The following WASF1 variants were observed in gnomAD, a reference collection of about 807,000 sequenced individuals.
WASF1 encodes the protein actin-binding protein WASF1.
WASF1 carries 7 observed loss-of-function variants against 50.5 expected under a neutral mutation model. That is an observed-to-expected ratio of 0.14 (90% confidence interval 0.08 to 0.26). The LOEUF (loss-of-function observed/expected upper bound fraction) is 0.26. Among genes scored for constraint, WASF1 ranks in the 10% least tolerant of loss-of-function variants. WASF1 has a pLI of 1.00. For missense variants in WASF1, 470 were observed against 694.7 expected, an observed-to-expected ratio of 0.68 and a Z score of 3.64; for synonymous variants, 205 against 244.0, an observed-to-expected ratio of 0.84 and a Z score of 1.49.
At chr6:110,168,733 C>T (rs1261283888) in intron 2 of WASF1, among the ~76,000 whole-genome samples, 1 of 152,078 alleles carries the variant, frequency 6.6e-6, no homozygotes, top group Non-Finnish European at 1.5e-5. Context: ...CTACTAAGCA[C>T]ATCAAGTGTC....
rs1049302976 is a variant in WASF1 at position 110,130,541 on chromosome 6, C to T, written c.-28-2912G>A. On this transcript the variant is annotated intron_variant, in intron 3 of 10. Transcript: ENST00000392589. ...CACATTGTAACATTCATCCATACTG[C>T]TCTGTGCAGGTTGTTCATTTTCATT... Among the ~76,000 whole-genome samples the T allele has an allele frequency of 2.6e-5, 4 of 152,310 alleles. No homozygotes were observed. The East Asian group carries it at 7.7e-4, about 29-fold the overall frequency.
At chr6:110,161,691 G>A (rs139560869) in intron 2 of WASF1, among the ~76,000 whole-genome samples, 135 of 151,474 alleles carry the variant, frequency 8.9e-4, no homozygotes, top group African/African-American at 3.1e-3. Flanking sequence ...AAAAAACTGG[G>A]GAGAAATTAT....
intron 3 of WASF1, among the ~76,000 whole-genome samples, chr6:110,153,573 G>T (rs532817685): frequency 8.5e-5 from 13 of 152,116 alleles, no homozygotes; most frequent in African/African-American, 2.9e-4. Flanking sequence ...ATGTACAGTG[G>T]TATCTCATAA....
At chr6:110,102,568 T>C (rs1260412028) in intron 9 of WASF1, among the ~76,000 whole-genome samples, 1 of 152,152 alleles carries the variant, frequency 6.6e-6, no homozygotes, top group African/African-American at 2.4e-5. Flanking sequence ...CATAATGCAA[T>C]TTTGTGGCAA....
At chr6:110,166,302 C>T (rs537271585) in intron 2 of WASF1, among the ~76,000 whole-genome samples, 7 of 151,570 alleles carry the variant, frequency 4.6e-5, no homozygotes, top group African/African-American at 1.7e-4. Context: ...CAAAATATTT[C>T]TGAACTCTTT....
chr6:110,108,119 C>A (rs1583925628), intron 6 of WASF1, among the ~76,000 whole-genome samples: 1 of 82,122 alleles, frequency 1.2e-5, no homozygotes. Flanking sequence ...GCCTAGGTGA[C>A]AAAGTGAGAC....
At chr6:110,132,934 T>C (rs1583971667) in intron 3 of WASF1, among the ~76,000 whole-genome samples, 1 of 144,004 alleles carries the variant, frequency 6.9e-6, no homozygotes, top group Non-Finnish European at 1.5e-5. Context: ...ATATACACCA[T>C]GGTGTTTGTG....
Position 110,127,524 on chromosome 6 carries a change from C to T in WASF1, c.78G>A (p.Leu26=). Residue 26 remains leucine (L), a synonymous_variant, in exon 4 of 11, where the codon CTG becomes CTA. Transcript: ENST00000392589. ...TALPRGIKNE[L]ECVTNISLAN... is the part of the protein sequence containing the mutation. ...CCAAGGAAATATTGGTTACACATTC[C>T]AGTTCATTCTTAATGCCTCTAGGCA... 2 of 1,602,534 alleles carry T rather than the reference C, an allele frequency of 1.2e-6. No individual in the cohort carries two copies. Among genetic ancestry groups the T allele is most frequent in the South Asian group, 1.1e-5 (1 of 87,958 alleles).
At chr6:110,142,095 A>G (rs940359788) in intron 3 of WASF1, among the ~76,000 whole-genome samples, 12 of 152,212 alleles carry the variant, frequency 7.9e-5, no homozygotes, top group African/African-American at 2.9e-4. Flanking sequence ...GAAAAGAAAT[A>G]CATTTGAGAA....
rs927370018 is a variant in WASF1 at position 110,120,071 on chromosome 6, C to G, written c.134-6611G>C. On this transcript the variant is annotated intron_variant, in intron 4 of 10. Transcript: ENST00000392589. ...TAATAAGAGCTATTTATAACAAACCCATAGCCAAAATCATACTGAATAGGC... is the reference window on the plus strand; with the variant it reads ...TAATAAGAGCTATTTATAACAAACCGATAGCCAAAATCATACTGAATAGGC... 2.9e-4 allele frequency among the ~76,000 whole-genome samples: 44 copies of G among 152,132 alleles called. 1 individual carries two copies. Among genetic ancestry groups the G allele is most frequent in the Non-Finnish European group, 7.3e-5 (5 of 68,030 alleles).
intron 4 of WASF1, among the ~76,000 whole-genome samples, chr6:110,124,308 A>G (rs1352542115): frequency 9.2e-6 from 1 of 108,828 alleles, no homozygotes; most frequent in African/African-American, 3.8e-5. Context: ...ATATATATAT[A>G]TGCCCTTGTA....
chr6:110,126,146 A>C (rs1562171255), intron 4 of WASF1, among the ~76,000 whole-genome samples: 1 of 152,184 alleles, frequency 6.6e-6, no homozygotes, highest in Non-Finnish European at 1.5e-5. Context: ...CATATATAAA[A>C]CAAATTTTAT....
chr6:110,162,163 A>G (rs1390675322), intron 2 of WASF1, among the ~76,000 whole-genome samples: 2 of 151,488 alleles, frequency 1.3e-5, no homozygotes, highest in African/African-American at 4.8e-5. Context: ...ATTAATACTT[A>G]AGAATAAAAA....
intron 3 of WASF1, 29 bp from the exon 4 acceptor site, chr6:110,127,658 T>C (rs1298900152): frequency 2.1e-6 from 3 of 1,455,694 alleles, no homozygotes; most frequent in East Asian, 2.5e-5. Context: ...AAATTAACAA[T>C]ATTAAATTTC....
intron 2 of WASF1, among the ~76,000 whole-genome samples, chr6:110,174,452 T>C (rs551200627): frequency 8.5e-5 from 13 of 152,234 alleles, no homozygotes; most frequent in Admixed American, 7.8e-4. Flanking sequence ...AATGAACCAA[T>C]TACAAATGAG....
chr6:110,124,679 G>T (rs1253112787), intron 4 of WASF1, among the ~76,000 whole-genome samples: 1 of 152,072 alleles, frequency 6.6e-6, no homozygotes, highest in Non-Finnish European at 1.5e-5. Context: ...GGCCGAGGCG[G>T]GTGGATCACT....
chr6:110,121,930 A>T (rs1774148992), intron 4 of WASF1, among the ~76,000 whole-genome samples: 1 of 152,022 alleles, frequency 6.6e-6, no homozygotes, highest in Admixed American at 6.6e-5. Flanking sequence ...AAACTATCAC[A>T]AGGTTGGAAA....
At chr6:110,143,767 T>C (rs1008483024) in intron 3 of WASF1, among the ~76,000 whole-genome samples, 2 of 152,234 alleles carry the variant, frequency 1.3e-5, no homozygotes, top group African/African-American at 2.4e-5. Context: ...TCATGGTCAA[T>C]GAAATAATTT....
intron 3 of WASF1, among the ~76,000 whole-genome samples, chr6:110,145,590 G>C (rs1342339595): frequency 6.6e-6 from 1 of 152,178 alleles, no homozygotes; most frequent in Non-Finnish European, 1.5e-5. Flanking sequence ...GATATTGGCT[G>C]TGGGTTTGTC....
Sources: allele counts gnomAD v4.1 joint callset (sites outside exome capture counted in the v4.1 genomes callset), GRCh38; gene constraint gnomAD v4.1.1; transcripts MANE v1.5; gene names NCBI Gene and HGNC (gene_info 2026-07-23, HGNC 2026-07-21).